The following BACH2 variants were observed in gnomAD, a reference collection of about 807,000 sequenced individuals.
BACH2 encodes the protein BACH transcriptional regulator 2, also known as transcription regulator protein BACH2.
A neutral mutation model predicts 61.8 loss-of-function variants in BACH2; 5 were observed. The observed-to-expected ratio is 0.08, with a 90% CI of 0.04 to 0.17. The LOEUF (loss-of-function observed/expected upper bound fraction) is 0.17, where lower values mean the gene tolerates loss of function less well. Ranked by LOEUF, BACH2 falls within the 10% of genes least tolerant of loss-of-function variation. The pLI, the probability that BACH2 is intolerant of heterozygous loss-of-function variation, is 1.00. For synonymous variants in BACH2, 446 were observed against 440.1 expected, an observed-to-expected ratio of 1.01 and a Z score of -0.17; for missense variants, 824 against 1,091.1, an observed-to-expected ratio of 0.76 and a Z score of 3.45.
intron 4 of BACH2, among the ~76,000 whole-genome samples, chr6:90,188,134 A>G (rs1288620675): frequency 1.3e-5 from 2 of 151,806 alleles, no homozygotes; most frequent in South Asian, 2.1e-4. Flanking sequence ...AGGCTCCCCA[A>G]CTCCTTTTGG....
chr6:90,227,725 A>G (rs1314989049), intron 3 of BACH2, among the ~76,000 whole-genome samples: 1 of 152,228 alleles, frequency 6.6e-6, no homozygotes. Context: ...GATCTGAAAT[A>G]TCAACAAAAT....
chr6:90,186,474 G>A (rs900033523), intron 4 of BACH2, among the ~76,000 whole-genome samples: 1 of 152,014 alleles, frequency 6.6e-6, no homozygotes, highest in Non-Finnish European at 1.5e-5. Context: ...TTTTTAGTAC[G>A]GTGGCTGTAA....
chr6:90,003,725 C>T lies in BACH2; in HGVS notation c.243+4877G>A, dbSNP rs534550380. On this transcript the variant is annotated intron_variant, in intron 6 of 8. Coordinates refer to ENST00000257749, the MANE Select transcript of BACH2 (RefSeq NM_021813.4). Reference sequence around the variant, plus strand: ...GTGTGGTTTTCCCAGCCCCTCAAGGCTGATGATCCTAGTTTAAAAAAATCT... The same window carrying T: ...GTGTGGTTTTCCCAGCCCCTCAAGGTTGATGATCCTAGTTTAAAAAAATCT... Among the ~76,000 whole-genome samples, 3 of 152,298 alleles carry T rather than the reference C, an allele frequency of 2.0e-5. No homozygotes were observed. In the South Asian group the frequency reaches 6.2e-4, roughly 32 times the overall value.
At chr6:90,160,361 T>C (rs1582433534) in intron 4 of BACH2, among the ~76,000 whole-genome samples, 1 of 152,178 alleles carries the variant, frequency 6.6e-6, no homozygotes, top group East Asian at 1.9e-4. Flanking sequence ...GGGACAGGAA[T>C]CATGTGAGCT....
chr6:90,265,241 A>T (rs1239178801), intron 2 of BACH2, among the ~76,000 whole-genome samples: 1 of 152,184 alleles, frequency 6.6e-6, no homozygotes, highest in African/African-American at 2.4e-5. Flanking sequence ...ATGGTGGAGG[A>T]CAGTTGCTTC....
intron 5 of BACH2, among the ~76,000 whole-genome samples, chr6:90,076,818 C>T (rs1177220501): frequency 6.6e-6 from 1 of 152,156 alleles, no homozygotes; most frequent in Admixed American, 6.6e-5. Flanking sequence ...TGCACGTACA[C>T]ATTCACTCCA....
chr6:89,951,788 G>T lies in BACH2; in HGVS notation c.318C>A (p.Ile106=). ...ACTCAGCACAGCGGATGACCTCGCG[G>T]ATGTTTTCTCTGCTGAGTAACAGCT... The part of the protein sequence containing the change: ...TAKLLLSREN[I]REVIRCAEFL... Residue 106 remains isoleucine (I), a synonymous_variant, in exon 7 of 9, where the codon ATC becomes ATA. Coordinates refer to ENST00000257749, the MANE Select transcript of BACH2 (RefSeq NM_021813.4). The surrounding 1 kb of genome is among the most constrained non-coding windows in gnomAD (Gnocchi z 6.4). The T allele has an allele frequency of 6.2e-7, 1 of 1,614,280 alleles. No homozygotes were observed. Among genetic ancestry groups the T allele is most frequent in the Non-Finnish European group, 8.5e-7 (1 of 1,180,050 alleles).
chr6:90,205,923 AG>A (rs1289636479), intron 4 of BACH2, among the ~76,000 whole-genome samples: 1 of 152,224 alleles, frequency 6.6e-6, no homozygotes, highest in Non-Finnish European at 1.5e-5. Flanking sequence ...TTATTCCCAT[AG>A]GGCCCATCTG....
At chr6:90,268,271 G>T (rs536844761) in intron 2 of BACH2, among the ~76,000 whole-genome samples, 32 of 152,212 alleles carry the variant, frequency 2.1e-4, no homozygotes, top group African/African-American at 7.7e-4. Flanking sequence ...CTCCCAAAGT[G>T]CTGGGATTAC....
chr6:90,289,255 G>C (rs1225857649), intron 1 of BACH2, among the ~76,000 whole-genome samples: 1 of 152,148 alleles, frequency 6.6e-6, no homozygotes, highest in Non-Finnish European at 1.5e-5. Flanking sequence ...AACATGGTAA[G>C]AGAACAGGCC....
At chr6:90,296,244 C>T (rs945703640) in intron 1 of BACH2, among the ~76,000 whole-genome samples, 1 of 152,084 alleles carries the variant, frequency 6.6e-6, no homozygotes, top group African/African-American at 2.4e-5. Context: ...GGAGGGAGAG[C>T]ACACATTCGG....
intron 4 of BACH2, among the ~76,000 whole-genome samples, chr6:90,110,791 G>A (rs1187731823): frequency 6.6e-6 from 1 of 152,184 alleles, no homozygotes; most frequent in Non-Finnish European, 1.5e-5. Flanking sequence ...AAAGCAGCCA[G>A]TTCAGCTTGC....
chr6:89,937,764 C>G (rs1252826299), intron 8 of BACH2, among the ~76,000 whole-genome samples: 1 of 152,208 alleles, frequency 6.6e-6, no homozygotes, highest in East Asian at 1.9e-4. Context: ...CTCCTGACCT[C>G]AAGTGATCCA....
chr6:90,203,853 C>A (rs1389773307), intron 4 of BACH2, among the ~76,000 whole-genome samples: 3 of 152,142 alleles, frequency 2.0e-5, no homozygotes, highest in African/African-American at 7.2e-5. Flanking sequence ...TCCCAAAGTA[C>A]ACCCCTTTCT....
At chr6:89,967,980 CAAA>C (rs1330661946) in intron 6 of BACH2, among the ~76,000 whole-genome samples, 1 of 152,210 alleles carries the variant, frequency 6.6e-6, no homozygotes, top group Non-Finnish European at 1.5e-5. Context: ...AAATTTCCCC[CAAA>C]TCTACTCCCT....
At chr6:90,076,073 T>C (rs1781460152) in intron 5 of BACH2, among the ~76,000 whole-genome samples, 2 of 152,182 alleles carry the variant, frequency 1.3e-5, no homozygotes, top group Admixed American at 6.6e-5. Flanking sequence ...GATTTTTCTC[T>C]ACAAGTCCCA....
intron 6 of BACH2, among the ~76,000 whole-genome samples, chr6:89,969,739 G>A (rs1354517899): frequency 1.3e-5 from 2 of 152,190 alleles, no homozygotes; most frequent in African/African-American, 4.8e-5. Flanking sequence ...TGACATGACA[G>A]GAAGAGAAAC....
At chr6:90,034,541 A>G (rs1779170896) in intron 5 of BACH2, among the ~76,000 whole-genome samples, 1 of 152,214 alleles carries the variant, frequency 6.6e-6, no homozygotes, top group Non-Finnish European at 1.5e-5. Flanking sequence ...AAATTTAATT[A>G]TACATTATTC....
chr6:89,989,225 C>T (rs1167299932), intron 6 of BACH2, among the ~76,000 whole-genome samples: 1 of 152,192 alleles, frequency 6.6e-6, no homozygotes, highest in Non-Finnish European at 1.5e-5. Context: ...AATATATTCA[C>T]ACTATTGTAA....
Sources: gnomAD v4.1 joint callset for allele counts (sites outside exome capture counted in the v4.1 genomes callset) on GRCh38, gnomAD v4.1.1 for gene constraint, Gnocchi (gnomAD v3.1) non-coding constraint, MANE v1.5 for transcripts, NCBI Gene and HGNC (gene_info 2026-07-23, HGNC 2026-07-21) for gene names.